Variants in SEMA4F observed in about 807,000 individuals in gnomAD.
The protein encoded by SEMA4F is ssemaphorin 4F, also known as semaphorin-4F.
In SEMA4F, 51 loss-of-function variants were observed where a neutral mutation model predicts 78.4. The observed-to-expected ratio is 0.65, with a 90% CI of 0.52 to 0.82. SEMA4F has a LOEUF of 0.82. SEMA4F is among the 40% of genes least tolerant of loss of function. SEMA4F has a pLI of 0.00. For synonymous variants in SEMA4F, 418 were observed against 408.7 expected (o/e 1.02, Z -0.27); for missense variants, 938 against 1,014.4 (o/e 0.92, Z 1.02).
intron 4 of SEMA4F, among the ~76,000 whole-genome samples, chr2:74,661,970 G>A (rs1319378285): frequency 2.0e-5 from 3 of 152,156 alleles, no homozygotes; most frequent in African/African-American, 7.2e-5. Flanking sequence ...GTTTTTAGAT[G>A]TTATCTTGAA....
At chr2:74,699,911 A>G in the SEMA4F span, among the ~76,000 whole-genome samples, 1 of 152,188 alleles carries the variant, frequency 6.6e-6, no homozygotes, top group Non-Finnish European at 1.5e-5. Flanking sequence ...GCAGGGAGTG[A>G]AGACAACTTT....
At chr2:74,664,127 T>C (rs927452299) in intron 5 of SEMA4F, among the ~76,000 whole-genome samples, 1 of 152,234 alleles carries the variant, frequency 6.6e-6, no homozygotes, top group African/African-American at 2.4e-5. Context: ...CCACCCAACA[T>C]GCACCTTCCA....
At chr2:74,707,116 G>A in the SEMA4F span, among the ~76,000 whole-genome samples, 3 of 152,108 alleles carry the variant, frequency 2.0e-5, no homozygotes, top group African/African-American at 7.2e-5. Flanking sequence ...ATTGGATTCT[G>A]GGTTGGAAAA....
rs1477975886 is a variant in SEMA4F at position 74,679,664 on chromosome 2, A to G, written c.1768A>G (p.Ser590Gly). ...AAHVVLPCSP[S>G]SAWASCVWHQ... ...GCATGTGGTCTTGCCATGTTCTCCA[A>G]GCTCAGCATGGGCATCCTGTGTGTG... Residue 590 changes from serine to glycine, a missense_variant, in exon 14 of 14, where the codon AGC becomes GGC. Coordinates refer to ENST00000357877, the MANE Select transcript of SEMA4F (RefSeq NM_004263.5). 6 of 1,613,582 alleles carry G rather than the reference A, an allele frequency of 3.7e-6. No individual in the cohort carries two copies. Among genetic ancestry groups the G allele is most frequent in the South Asian group, 3.3e-5 (3 of 91,080 alleles).
chr2:74,674,859 T>C, intron 8 of SEMA4F, 29 bp from the exon 9 acceptor site: 2 of 1,611,456 alleles, frequency 1.2e-6, no homozygotes, highest in Non-Finnish European at 8.5e-7. Context: ...GACCCCTCCA[T>C]ATATCCAGCT....
At chr2:74,698,320 G>T in the SEMA4F span, among the ~76,000 whole-genome samples, 1 of 152,214 alleles carries the variant, frequency 6.6e-6, no homozygotes, top group Non-Finnish European at 1.5e-5. Context: ...AGCAGAGGTT[G>T]TAGGAGCCAC....
At position 74,675,289 on chromosome 2, in the gene SEMA4F, T is replaced by C. The variant is rs1490547818; in HGVS notation, c.1277T>C (p.Leu426Pro). 6.2e-7 allele frequency: 1 copy of C among 1,614,186 alleles called. No homozygotes were observed. The highest frequency in any genetic ancestry group is 2.2e-5 in the East Asian group (1 of 44,882). Residue 426 changes from leucine to proline, a missense_variant, in exon 10 of 14, where the codon CTG (leucine) becomes CCG (proline). Leu to Pro is a moderately conservative substitution (Grantham distance 98, BLOSUM62 -3). Transcript: ENST00000357877. Reference protein sequence around the residue: ...RPVFPADGHPLLVTTDTAYLR... With the variant: ...RPVFPADGHPPLVTTDTAYLR... ...GTGTTTCCAGCTGATGGCCACCCCC[T>C]GCTGGTCACTACAGATACAGCCTAT...
chr2:74,656,346 C>T (rs1051630600), intron 1 of SEMA4F, among the ~76,000 whole-genome samples, 188 bp from the exon 2 acceptor site: 8 of 152,192 alleles, frequency 5.3e-5, no homozygotes, highest in Non-Finnish European at 1.0e-4. Context: ...TACTTACCCA[C>T]TGGATTGTGT....
intron 12 of SEMA4F, 49 bp from the exon 13 acceptor site, chr2:74,679,227 T>G (rs571920433): frequency 7.3e-7 from 1 of 1,367,648 alleles, no homozygotes; most frequent in African/African-American, 1.4e-5. Context: ...CTGAGGGGGG[T>G]TGAAGGGAAT....
At chr2:74,703,997 G>A in the SEMA4F span, among the ~76,000 whole-genome samples, 1 of 152,142 alleles carries the variant, frequency 6.6e-6, no homozygotes, top group Admixed American at 6.5e-5. Flanking sequence ...AGAAGAGTGA[G>A]TTCCTAGTAC....
At chr2:74,693,670 G>C in the SEMA4F span, among the ~76,000 whole-genome samples, 1 of 152,224 alleles carries the variant, frequency 6.6e-6, no homozygotes, top group Non-Finnish European at 1.5e-5. Context: ...AGATCGGGAA[G>C]GTGAAGTTGT....
rs779135469 is a variant in SEMA4F, at chr2:74,673,543, A to G, written c.637A>G (p.Ile213Val). The G allele has an allele frequency of 4.3e-6, 7 of 1,614,102 alleles. No individual in the cohort carries two copies. The South Asian group carries it at 7.7e-5, about 18-fold the overall frequency. ...TRAVGRAEDW[I>V]RTDTLPSWLN... is the part of the protein sequence containing the mutation. ...AGCAGTGGGTCGTGCCGAGGACTGG[A>G]TTCGGACAGATACCTTGCCTTCCTG... Residue 213 changes from isoleucine to valine, a missense_variant, in exon 6 of 14, where the codon ATT (isoleucine) becomes GTT (valine). Ile to Val is a conservative substitution (Grantham distance 29). Transcript: ENST00000357877.
At chr2:74,656,775 AC>A (rs1424162536) in intron 2 of SEMA4F, 90 bp downstream of exon 2, 4 of 1,345,726 alleles carry the variant, frequency 3.0e-6, no homozygotes, top group Non-Finnish European at 4.1e-6. Flanking sequence ...TTTCATAATA[AC>A]TAAAGATGTA....
intron 12 of SEMA4F, among the ~76,000 whole-genome samples, chr2:74,676,565 C>T (rs1685291147): frequency 6.6e-6 from 1 of 152,196 alleles, no homozygotes; most frequent in Admixed American, 6.5e-5. Context: ...TGGTCTTCCT[C>T]ATTCCAGTAA....
intron 5 of SEMA4F, among the ~76,000 whole-genome samples, chr2:74,663,440 C>G (rs188728910): frequency 2.0e-4 from 31 of 152,072 alleles, no homozygotes; most frequent in Non-Finnish European, 3.8e-4. Flanking sequence ...TTCCTAATAC[C>G]CTGTATTCGT....
intron 5 of SEMA4F, among the ~76,000 whole-genome samples, chr2:74,671,346 T>C (rs1358035220): frequency 6.6e-6 from 1 of 152,346 alleles, no homozygotes; most frequent in South Asian, 2.1e-4. Context: ...TGAGACACGC[T>C]GCTTCTCTGG....
Position 74,673,587 on chromosome 2 carries a change from G to A in SEMA4F, c.670+11G>A. The A allele has an allele frequency of 1.2e-6, 2 of 1,614,126 alleles. No individual in the cohort carries two copies. The highest frequency in any genetic ancestry group is 1.1e-5 in the South Asian group (1 of 91,082). ...CTTCCTGGCTGAACGGTGGGGAGAG[G>A]GAGAGGGGTCCTCTGGGGAGACCGA... On this transcript the variant is annotated intron_variant, in intron 6 of 13. Transcript: ENST00000357877.
rs141145480 is a variant in SEMA4F, at chr2:74,673,533, C to T, written c.627C>T (p.Ala209=). 748 of 1,614,104 alleles carry T rather than the reference C, an allele frequency of 4.6e-4. No individual in the cohort carries two copies. The highest frequency in any genetic ancestry group is 5.2e-4 in the Non-Finnish European group (618 of 1,180,028). ...EPIITRAVGR[A]EDWIRTDTLP... is the part of the protein sequence containing the mutation. Reference sequence around the variant, plus strand: ...TTATCACCAGAGCAGTGGGTCGTGCCGAGGACTGGATTCGGACAGATACCT... The same window carrying T: ...TTATCACCAGAGCAGTGGGTCGTGCTGAGGACTGGATTCGGACAGATACCT... The change falls in exon 6 of 14, where the codon GCC becomes GCT. Residue 209 remains alanine, a synonymous_variant. Transcript: ENST00000357877.
chr2:74,666,304 A>C (rs191785163), intron 5 of SEMA4F, among the ~76,000 whole-genome samples: 1 of 152,340 alleles, frequency 6.6e-6, no homozygotes, highest in East Asian at 1.9e-4. Flanking sequence ...TAAGAATACA[A>C]ATTTCCAGTT....
Sources: allele counts gnomAD v4.1 joint callset (sites outside exome capture counted in the v4.1 genomes callset), GRCh38; gene constraint gnomAD v4.1.1; transcripts MANE v1.5; gene names NCBI Gene and HGNC (gene_info 2026-07-23, HGNC 2026-07-21).